The following ACER1 variants were observed in gnomAD, a reference collection of about 807,000 sequenced individuals.
ACER1 encodes CTB-180A7.3.
Under a neutral mutation model 24.9 loss-of-function variants are expected in ACER1, and 28 were observed. That is an observed-to-expected ratio of 1.13 (90% CI 0.83 to 1.54). ACER1 has a LOEUF of 1.54. ACER1 is among the 40% of genes most tolerant of loss of function. ACER1 has a pLI of 0.00. For synonymous variants in ACER1, 132 were observed against 131.4 expected, an observed-to-expected ratio of 1.00 and a Z score of -0.03; for missense variants, 352 against 349.3, an observed-to-expected ratio of 1.01 and a Z score of -0.06.
In ACER1 at chr19:6,333,442, C is replaced by T. The variant is rs750418507; in HGVS notation, c.93+17G>A. The stretch of plus-strand genomic sequence containing the variant: ...ACCGGCATCTGGCGAGACTCCTTCA[C>T]ACACCCACGCACTCACCGTGTTGTA... On this transcript the variant is annotated intron_variant, in intron 1 of 5. Transcript: ENST00000301452. 8 of 1,556,158 alleles carry T rather than the reference C, an allele frequency of 5.1e-6. No individual in the cohort carries two copies. The highest frequency in any genetic ancestry group is 6.1e-6 in the Non-Finnish European group (7 of 1,146,056).
chr19:6,306,924 C>T, intron 5 of ACER1, 42 bp from the exon 6 acceptor site: 2 of 1,583,886 alleles, frequency 1.3e-6, no homozygotes, highest in Non-Finnish European at 1.7e-6. Flanking sequence ...ACAAGATACC[C>T]ACAGCCTCAC....
At chr19:6,322,549 C>T (rs2091636146) in intron 1 of ACER1, among the ~76,000 whole-genome samples, 1 of 152,134 alleles carries the variant, frequency 6.6e-6, no homozygotes, top group Non-Finnish European at 1.5e-5. Context: ...CCTGGGCTGA[C>T]TCCTCGGGTG....
rs184627361 is a variant in ACER1 at position 6,319,168 on chromosome 19, C to T, written c.94-6669G>A. Among the ~76,000 whole-genome samples, 213 of 152,214 alleles carry T rather than the reference C, an allele frequency of 1.4e-3. 2 individuals carry two copies. Among genetic ancestry groups the T allele is most frequent in the African/African-American group, 5.1e-3 (212 of 41,536 alleles). On this transcript the variant is annotated intron_variant, in intron 1 of 5. Transcript: ENST00000301452. ...GGTATCGTTATTCCAAGCTTAGGGGCCAGCAGAGTCCAGCCAGGAGTTATC... is the reference window on the plus strand; with the variant it reads ...GGTATCGTTATTCCAAGCTTAGGGGTCAGCAGAGTCCAGCCAGGAGTTATC...
intron 1 of ACER1, among the ~76,000 whole-genome samples, chr19:6,319,209 C>T (rs1002319793): frequency 2.0e-5 from 3 of 152,154 alleles, no homozygotes; most frequent in Admixed American, 6.5e-5. Flanking sequence ...TGTCCCTAAG[C>T]GCTCAGAAGG....
chr19:6,333,231 C>T (rs61222524), intron 1 of ACER1, among the ~76,000 whole-genome samples: 87 of 152,174 alleles, frequency 5.7e-4, no homozygotes, highest in African/African-American at 1.5e-3. Flanking sequence ...AGGCAGAGAC[C>T]GGTTCTTTTC....
intron 3 of ACER1, among the ~76,000 whole-genome samples, chr19:6,310,188 C>T (rs1270324862): frequency 3.3e-5 from 5 of 151,912 alleles, no homozygotes; most frequent in African/African-American, 4.8e-5. Context: ...CCCAGGTTCA[C>T]GCCATTCTCC....
upstream of ACER1, among the ~76,000 whole-genome samples, chr19:6,336,460 G>A (rs112269154): frequency 0.05 from 7,560 of 152,192 alleles, 286 homozygotes; most frequent in African/African-American, 0.11. Context: ...TGGTGAAAAT[G>A]ATAATGGTAC....
At chr19:6,347,764 AG>A in the ACER1 span, among the ~76,000 whole-genome samples, 2 of 151,998 alleles carry the variant, frequency 1.3e-5, no homozygotes, top group Non-Finnish European at 2.9e-5. Context: ...TGAACCCAGG[AG>A]GTGGAGGCTG....
At chr19:6,315,768 G>C (rs1247240289) in intron 1 of ACER1, among the ~76,000 whole-genome samples, 1 of 152,128 alleles carries the variant, frequency 6.6e-6, no homozygotes, top group African/African-American at 2.4e-5. Flanking sequence ...ACCCGCCTTG[G>C]CCTCCCAAAC....
At chr19:6,347,109 A>AATATATAT in the ACER1 span, among the ~76,000 whole-genome samples, 56 of 113,726 alleles carry the variant, frequency 4.9e-4, 1 homozygote, top group African/African-American at 2.2e-3. Flanking sequence ...AAAAAAAAAA[A>AATATATAT]ATATATATAT....
intron 1 of ACER1, among the ~76,000 whole-genome samples, chr19:6,329,356 T>TATAGAATAGAATAGAATAGAATATA (rs2091676662): frequency 7.5e-6 from 1 of 133,938 alleles, no homozygotes; most frequent in Admixed American, 8.0e-5. Context: ...GGCTTTTTGA[T>TATAGAATAGAATAGAATAGAATATA]ATAGAATAGA....
At chr19:6,342,249 A>C in the ACER1 span, among the ~76,000 whole-genome samples, 5 of 134,876 alleles carry the variant, frequency 3.7e-5, no homozygotes, top group Non-Finnish European at 7.7e-5. Context: ...GTAAGAGAGT[A>C]TCCTAGTTCT....
chr19:6,309,027 C>T (rs757623842), intron 4 of ACER1, among the ~76,000 whole-genome samples: 49 of 151,224 alleles, frequency 3.2e-4, no homozygotes, highest in African/African-American at 1.1e-3. Flanking sequence ...GACGAAACTC[C>T]GTCTCTACTA....
the ACER1 span, among the ~76,000 whole-genome samples, chr19:6,347,565 G>A: frequency 6.6e-6 from 1 of 152,058 alleles, no homozygotes; most frequent in Non-Finnish European, 1.5e-5. Flanking sequence ...GCCGGGCGTG[G>A]TGGTTCACGC....
Position 6,307,221 on chromosome 19 carries a change from G to C in ACER1, c.558C>G (p.Ser186Arg), listed in dbSNP as rs139590144. 73 of 1,614,042 alleles carry C rather than the reference G, an allele frequency of 4.5e-5. No individual in the cohort carries two copies. The highest frequency in any genetic ancestry group is 5.8e-5 in the Non-Finnish European group (69 of 1,180,040). Residue 186 changes from serine to arginine, a missense_variant, in exon 5 of 6, where the codon AGC (serine) becomes AGG (arginine). By Grantham distance (110) the Ser-to-Arg change is moderately radical. Coordinates refer to ENST00000301452, the MANE Select transcript of ACER1 (RefSeq NM_133492.3). ...SVVLWAVALT[S>R]WISDRLLCSF... is the part of the protein sequence containing the mutation. ...TGCAAAGCAGACGGTCACTGATCCAGCTGGTCAGAGCAACAGCCCATAAAA... is the reference window on the plus strand; with the variant it reads ...TGCAAAGCAGACGGTCACTGATCCACCTGGTCAGAGCAACAGCCCATAAAA...
chr19:6,327,706 T>G (rs1460584475), intron 1 of ACER1, among the ~76,000 whole-genome samples: 1 of 152,108 alleles, frequency 6.6e-6, no homozygotes, highest in East Asian at 1.9e-4. Context: ...CATGTTTACA[T>G]TTTCAAATGA....
At chr19:6,344,161 C>T in the ACER1 span, among the ~76,000 whole-genome samples, 24 of 152,022 alleles carry the variant, frequency 1.6e-4, no homozygotes, top group African/African-American at 4.8e-4. Context: ...AGCCAGGCGA[C>T]GGGAGGCTGA....
rs1272578346 is a variant in ACER1 at position 6,312,400 on chromosome 19, G to C, written c.193C>G (p.Leu65Val). The change falls in exon 2 of 6, where the codon CTC becomes GTC. Residue 65 changes from leucine to valine, a missense_variant. Leu to Val is a conservative substitution (Grantham distance 32). Coordinates refer to ENST00000301452, the MANE Select transcript of ACER1 (RefSeq NM_133492.3). ...RSRYIYVVWV[L>V]FMIIGLFSMY... The stretch of plus-strand genomic sequence containing the variant: ...ACCTCCCTACCTATGATCATGAAGA[G>C]GACCCAGACAACGTAAATGTAGCGG... 1.9e-6 allele frequency: 3 copies of C among 1,613,848 alleles called. No homozygotes were observed. Among genetic ancestry groups the C allele is most frequent in the Non-Finnish European group, 1.7e-6 (2 of 1,180,004 alleles).
At chr19:6,319,106 T>C (rs1312855937) in intron 1 of ACER1, among the ~76,000 whole-genome samples, 2 of 152,068 alleles carry the variant, frequency 1.3e-5, no homozygotes, top group African/African-American at 4.8e-5. Flanking sequence ...CTGTTGTTAT[T>C]GTTGAAGGAG....
Sources: gnomAD v4.1 joint callset for allele counts (sites outside exome capture counted in the v4.1 genomes callset) on GRCh38, gnomAD v4.1.1 for gene constraint, MANE v1.5 for transcripts, NCBI Gene and HGNC (gene_info 2026-07-23, HGNC 2026-07-21) for gene names.